Variants in ADCY2 observed in about 807,000 individuals in gnomAD.
The protein encoded by ADCY2 is adenylate cyclase 2, also known as adenylate cyclase type 2.
In ADCY2, 31 loss-of-function variants were observed where a neutral mutation model predicts 125.2. That is an observed-to-expected ratio of 0.25 (90% CI 0.19 to 0.33). The LOEUF (loss-of-function observed/expected upper bound fraction) is 0.33. Ranked by LOEUF, ADCY2 falls within the 10% of genes least tolerant of loss-of-function variation. The probability of loss-of-function intolerance (pLI) is 1.00; values close to 1 mark genes in which losing one functional copy is unlikely to be tolerated. For synonymous variants in ADCY2, 512 were observed against 548.4 expected (o/e 0.93, Z 0.93); for missense variants, 904 against 1,418.2 (o/e 0.64, Z 5.82).
chr5:7,665,396 A>G (rs1338616213), intron 4 of ADCY2, among the ~76,000 whole-genome samples: 3 of 152,088 alleles, frequency 2.0e-5, no homozygotes, highest in Non-Finnish European at 2.9e-5. Flanking sequence ...TCAGCAGTGT[A>G]ATTTGTCAGC....
At chr5:7,804,028 A>T (rs1744681164) in intron 21 of ADCY2, among the ~76,000 whole-genome samples, 1 of 66,972 alleles carries the variant, frequency 1.5e-5, no homozygotes, top group African/African-American at 6.2e-5. Flanking sequence ...TAGGCCTCCC[A>T]TGGAGGGGGG....
At chr5:7,557,194 T>TTG (rs1561092536) in intron 3 of ADCY2, among the ~76,000 whole-genome samples, 51 of 148,408 alleles carry the variant, frequency 3.4e-4, no homozygotes, top group African/African-American at 1.2e-3. Flanking sequence ...ATATATGTGA[T>TTG]ATATATAACT....
chr5:7,594,730 G>A (rs530165491), intron 3 of ADCY2, among the ~76,000 whole-genome samples: 8 of 152,260 alleles, frequency 5.3e-5, no homozygotes, highest in South Asian at 4.1e-4. Context: ...TAAATAAAAC[G>A]TCACCAGGTG....
At chr5:7,664,208 G>T (rs1259690938) in intron 4 of ADCY2, among the ~76,000 whole-genome samples, 6 of 152,074 alleles carry the variant, frequency 3.9e-5, no homozygotes, top group African/African-American at 1.4e-4. Flanking sequence ...GCAAAAGATG[G>T]GACCAAATAG....
intron 15 of ADCY2, among the ~76,000 whole-genome samples, chr5:7,747,689 A>T (rs1278194774): frequency 6.6e-6 from 1 of 152,014 alleles, no homozygotes; most frequent in Admixed American, 6.6e-5. Flanking sequence ...TTCATAATCC[A>T]ACTCTGAAGA....
chr5:7,651,198 ATTTG>A (rs1739076890), intron 4 of ADCY2, among the ~76,000 whole-genome samples: 1 of 152,180 alleles, frequency 6.6e-6, no homozygotes, highest in African/African-American at 2.4e-5. Context: ...AAAAAGTGCA[ATTTG>A]TTTGATGGCC....
At chr5:7,738,393 A>G (rs1422168277) in intron 14 of ADCY2, among the ~76,000 whole-genome samples, 3 of 152,040 alleles carry the variant, frequency 2.0e-5, no homozygotes, top group African/African-American at 7.2e-5. Flanking sequence ...TAAATATTTA[A>G]TTAATAAAAT....
chr5:7,456,392 A>G (rs866657052), intron 2 of ADCY2, among the ~76,000 whole-genome samples: 4 of 152,340 alleles, frequency 2.6e-5, no homozygotes, highest in Middle Eastern at 3.4e-3. Flanking sequence ...AAAAAAAGTC[A>G]GGAATTACTG....
At chr5:7,809,030 G>A (rs1254003276) in intron 22 of ADCY2, among the ~76,000 whole-genome samples, 2 of 152,154 alleles carry the variant, frequency 1.3e-5, no homozygotes, top group South Asian at 2.1e-4. Context: ...TGGTGATCAC[G>A]CCCTTTGCAT....
intron 20 of ADCY2, chr5:7,800,723 C>T (rs1336839111): frequency 6.6e-6 from 1 of 152,282 alleles, no homozygotes; most frequent in South Asian, 2.1e-4. Flanking sequence ...AGCACAGGGA[C>T]ATCAGTGGAG....
chr5:7,560,844 A>G (rs1735686130), intron 3 of ADCY2, among the ~76,000 whole-genome samples: 1 of 151,836 alleles, frequency 6.6e-6, no homozygotes, highest in South Asian at 2.1e-4. Context: ...ATGCACCACC[A>G]TGCCTGGCTA....
intron 1 of ADCY2, among the ~76,000 whole-genome samples, chr5:7,407,686 T>C (rs1019256722): frequency 2.3e-4 from 35 of 151,928 alleles, no homozygotes; most frequent in African/African-American, 8.2e-4. Flanking sequence ...TGGGCCCCCA[T>C]TCATCAATGG....
chr5:7,756,282 G>C (rs1001364835), intron 15 of ADCY2, among the ~76,000 whole-genome samples: 2 of 152,210 alleles, frequency 1.3e-5, no homozygotes, highest in African/African-American at 4.8e-5. Context: ...CTCAAGATGG[G>C]TGAGCTTATG....
chr5:7,436,725 G>A (rs1177235230), intron 2 of ADCY2, among the ~76,000 whole-genome samples: 2 of 152,206 alleles, frequency 1.3e-5, no homozygotes, highest in Admixed American at 6.5e-5. Flanking sequence ...CATCATCGCG[G>A]CACTCTTGTG....
At chr5:7,507,217 G>T (rs1743858908) in intron 2 of ADCY2, among the ~76,000 whole-genome samples, 1 of 147,928 alleles carries the variant, frequency 6.8e-6, no homozygotes. Flanking sequence ...CGAGGCGGGC[G>T]GATCACGAGG....
intron 4 of ADCY2, among the ~76,000 whole-genome samples, chr5:7,683,584 C>T (rs1486061230): frequency 6.6e-6 from 1 of 152,100 alleles, no homozygotes; most frequent in Non-Finnish European, 1.5e-5. Context: ...CACAGTGGCT[C>T]TTAAGGCTTT....
intron 2 of ADCY2, among the ~76,000 whole-genome samples, chr5:7,508,901 G>A (rs984493614): frequency 6.6e-6 from 1 of 152,200 alleles, no homozygotes; most frequent in Non-Finnish European, 1.5e-5. Flanking sequence ...TGTGGGAATG[G>A]TGCACTATGA....
At chr5:7,597,595 CA>C (rs1425949658) in intron 3 of ADCY2, among the ~76,000 whole-genome samples, 1 of 152,124 alleles carries the variant, frequency 6.6e-6, no homozygotes, top group East Asian at 1.9e-4. Flanking sequence ...AGCAACATGA[CA>C]AAAACCCATC....
chr5:7,509,742 G>A (rs1363977343), intron 2 of ADCY2, among the ~76,000 whole-genome samples: 1 of 152,114 alleles, frequency 6.6e-6, no homozygotes, highest in Admixed American at 6.5e-5. Flanking sequence ...ACATTCTATA[G>A]AGTTGATATT....
Sources: gnomAD v4.1 joint callset for allele counts (sites outside exome capture counted in the v4.1 genomes callset) on GRCh38, gnomAD v4.1.1 for gene constraint, MANE v1.5 for transcripts, NCBI Gene and HGNC (gene_info 2026-07-23, HGNC 2026-07-21) for gene names.